ATM: variants seen among roughly 807,000 people sequenced by gnomAD.
The protein encoded by ATM is ATM serine/threonine kinase.
In ATM, 308 loss-of-function variants were observed where a neutral mutation model predicts 387.0. The observed-to-expected ratio is 0.80, with a 90% CI of 0.73 to 0.87. The LOEUF is 0.87. ATM is among the 40% of genes least tolerant of loss of function. The pLI, the probability that ATM is intolerant of heterozygous loss-of-function variation, is 0.00. For missense variants in ATM, 3,312 were observed against 3,560.9 expected, an observed-to-expected ratio of 0.93 and a Z score of 1.78; for synonymous variants, 1,156 against 1,187.3, an observed-to-expected ratio of 0.97 and a Z score of 0.54.
intron 6 of ATM, among the ~76,000 whole-genome samples, 184 bp from the exon 7 acceptor site, chr11:108,244,604 A>G (rs1040507716): frequency 6.7e-6 from 1 of 148,510 alleles, no homozygotes; most frequent in African/African-American, 2.5e-5. Context: ...ATAAGAACTA[A>G]TTTTTTGTCA....
At chr11:108,313,133 C>G (rs778121208) in intron 40 of ATM, among the ~76,000 whole-genome samples, 1 of 152,336 alleles carries the variant, frequency 6.6e-6, no homozygotes, top group Non-Finnish European at 1.5e-5. Context: ...AATCTTCCGT[C>G]ATGTTACAGA....
At chr11:108,293,919 A>ATATATATATATG (rs1397910875) in intron 31 of ATM, among the ~76,000 whole-genome samples, 1 of 117,044 alleles carries the variant, frequency 8.5e-6, no homozygotes, top group Non-Finnish European at 1.7e-5. Context: ...ATATATATAT[A>ATATATATATATG]TGTGTGTGTA....
chr11:108,251,130 A>C (rs939682160), intron 10 of ATM, 58 bp downstream of exon 10: 1 of 1,602,498 alleles, frequency 6.2e-7, no homozygotes, highest in African/African-American at 1.3e-5. Flanking sequence ...ACACACACAC[A>C]CTCACATATC....
At position 108,268,487 on chromosome 11, in the gene ATM, T is replaced by A. The variant is rs368047468; in HGVS notation, c.2716T>A (p.Leu906Met). 1.2e-6 allele frequency: 2 copies of A among 1,614,084 alleles called. No homozygotes were observed. Among genetic ancestry groups the A allele is most frequent in the Non-Finnish European group, 1.7e-6 (2 of 1,179,982 alleles). Residue 906 changes from leucine to methionine, a missense_variant, in exon 18 of 63, where the codon TTG becomes ATG. Coordinates refer to ENST00000675843, the MANE Select transcript of ATM (RefSeq NM_000051.4). Reference protein sequence around the residue: ...LFLDMLKFLCLCVTTAQTNTV... With the variant: ...LFLDMLKFLCMCVTTAQTNTV... The stretch of plus-strand genomic sequence containing the variant: ...CTTAGACATGCTCAAGTTCTTGTGT[T>A]TGTGTGTAACTACTGCTCAGACCAA...
intron 29 of ATM, among the ~76,000 whole-genome samples, chr11:108,292,068 G>T (rs1475564223): frequency 3.3e-5 from 5 of 152,168 alleles, no homozygotes; most frequent in African/African-American, 1.2e-4. Flanking sequence ...CATATCTTTT[G>T]TAGCTGGTAT....
At chr11:108,301,812 A>G (rs2083449417) in intron 35 of ATM, 23 bp downstream of exon 35, 1 of 1,610,994 alleles carries the variant, frequency 6.2e-7, no homozygotes, top group African/African-American at 1.3e-5. Flanking sequence ...ATAAATGTTT[A>G]TTGAATACCC....
chr11:108,231,009 A>G (rs959548744), intron 4 of ATM: 6 of 152,132 alleles, frequency 3.9e-5, no homozygotes, highest in African/African-American at 1.4e-4. Flanking sequence ...GCCAGGACTC[A>G]ATCTTTTAGG....
At position 108,272,733 on chromosome 11, in the gene ATM, T is replaced by C. The variant is rs768038217; in HGVS notation, c.3165T>C (p.Tyr1055=). The C allele has an allele frequency of 3.1e-6, 5 of 1,614,052 alleles. No individual in the cohort carries two copies. In the South Asian group the frequency reaches 3.3e-5, roughly 11 times the overall value. The change falls in exon 22 of 63, where the codon TAT becomes TAC. Residue 1055 remains tyrosine (Y), a synonymous_variant. Coordinates refer to ENST00000675843, the MANE Select transcript of ATM (RefSeq NM_000051.4). The part of the protein sequence containing the change: ...CLKTLLEADP[Y]SKWAILNVMG... ...TTCTTTTCCCGTAGGCTGATCCTTA[T>C]TCAAAATGGGCCATTCTTAATGTAA...
At chr11:108,246,841 T>G in intron 7 of ATM, 123 bp from the exon 8 acceptor site, 1 of 723,430 alleles carries the variant, frequency 1.4e-6, no homozygotes, top group Non-Finnish European at 2.4e-6. Context: ...TAGTACTGAA[T>G]GGAAGGTTGG....
intron 45 of ATM, among the ~76,000 whole-genome samples, chr11:108,324,164 C>T (rs2085434077): frequency 6.6e-6 from 1 of 152,048 alleles, no homozygotes; most frequent in African/African-American, 2.4e-5. Flanking sequence ...GCACATTCTC[C>T]TATTACACGT....
chr11:108,270,745 G>A (rs1201083766), intron 18 of ATM, among the ~76,000 whole-genome samples: 2 of 152,078 alleles, frequency 1.3e-5, no homozygotes, highest in African/African-American at 4.8e-5. Flanking sequence ...GCCCGGGCTG[G>A]AGTGCAGTGG....
chr11:108,297,581 C>T (rs907356501), intron 33 of ATM, among the ~76,000 whole-genome samples, 199 bp downstream of exon 33: 8 of 152,124 alleles, frequency 5.3e-5, no homozygotes, highest in African/African-American at 7.2e-5. Context: ...GTGATGTTCA[C>T]GCAATGACAG....
At chr11:108,333,019 T>G in intron 53 of ATM, 119 bp downstream of exon 53, 1 of 1,277,830 alleles carries the variant, frequency 7.8e-7, no homozygotes, top group South Asian at 1.3e-5. Flanking sequence ...ATCCAAAAGC[T>G]TAATTTATAT....
At chr11:108,298,727 C>A (rs2083253175) in intron 33 of ATM, among the ~76,000 whole-genome samples, 2 of 152,078 alleles carry the variant, frequency 1.3e-5, no homozygotes, top group Admixed American at 6.6e-5. Context: ...AAAAGCATGC[C>A]AATTAGAAAG....
intron 8 of ATM, among the ~76,000 whole-genome samples, 193 bp downstream of exon 8, chr11:108,247,320 A>G (rs1040451718): frequency 2.0e-5 from 3 of 152,210 alleles, no homozygotes; most frequent in African/African-American, 7.2e-5. Context: ...GCTTTTGCAG[A>G]TATTTGAAAA....
intron 26 of ATM, among the ~76,000 whole-genome samples, chr11:108,285,874 TTC>T (rs2082464542): frequency 6.6e-6 from 1 of 152,220 alleles, no homozygotes; most frequent in South Asian, 2.1e-4. Flanking sequence ...AATCTTACTA[TTC>T]TTTTCTTAAT....
intron 61 of ATM, among the ~76,000 whole-genome samples, chr11:108,362,446 T>C (rs996626297): frequency 6.6e-6 from 1 of 151,718 alleles, no homozygotes; most frequent in African/African-American, 2.4e-5. Context: ...ATCCCATTAC[T>C]GGGTATATAA....
intron 10 of ATM, 42 bp downstream of exon 10, chr11:108,251,114 A>G (rs1375484872): frequency 6.2e-7 from 1 of 1,611,330 alleles, no homozygotes; most frequent in East Asian, 2.2e-5. Context: ...AGATAAACAC[A>G]CACAGACACA....
chr11:108,295,289 G>T, intron 32 of ATM: 8 of 472,208 alleles, frequency 1.7e-5, no homozygotes, highest in South Asian at 7.8e-5. Context: ...ACCCAAATAT[G>T]ATCATGTTTT....
Sources: allele counts gnomAD v4.1 joint callset (sites outside exome capture counted in the v4.1 genomes callset), GRCh38; gene constraint gnomAD v4.1.1; transcripts MANE v1.5; gene names NCBI Gene and HGNC (gene_info 2026-07-23, HGNC 2026-07-21).